HAP1: variants seen among roughly 807,000 people sequenced by gnomAD.
HAP1 encodes the protein huntingtin associated protein 1.
In HAP1, 59 loss-of-function variants were observed where a neutral mutation model predicts 60.3. That is an observed-to-expected ratio of 0.98 (90% CI 0.79 to 1.22). The LOEUF (loss-of-function observed/expected upper bound fraction) is 1.22, where lower values mean the gene tolerates loss of function less well. HAP1 is among the 50% of genes most tolerant of loss of function. HAP1 has a pLI of 0.00. For synonymous variants in HAP1, 346 were observed against 330.6 expected, an observed-to-expected ratio of 1.05 and a Z score of -0.50; for missense variants, 825 against 785.3, an observed-to-expected ratio of 1.05 and a Z score of -0.60.
chr17:41,729,392 A>T (rs1911945405), intron 6 of HAP1, among the ~76,000 whole-genome samples: 2 of 148,472 alleles, frequency 1.3e-5, no homozygotes, highest in South Asian at 2.1e-4. Context: ...TCTACTAAAA[A>T]TACCAAAATT....
rs1555588449 is a variant in HAP1, at chr17:41,725,114, C to T, written c.1447G>A (p.Gly483Arg). 3 of 1,607,796 alleles carry T rather than the reference C, an allele frequency of 1.9e-6. No individual in the cohort carries two copies. The highest frequency in any genetic ancestry group is 1.7e-5 in the Admixed American group (1 of 59,710). Residue 483 changes from glycine (G) to arginine (R), a missense_variant, in exon 11 of 11, where the codon GGG becomes AGG. Coordinates refer to ENST00000347901, the MANE Select transcript of HAP1 (RefSeq NM_177977.3). ...ATCAACCCTTCCTCAGCCTCAAACC[C>T]CCGCACCTGCTCTCGATCCTCACTG... ...RYSEDREQVRGFEAEEGLMLA... is the reference protein window; with the variant it reads ...RYSEDREQVRRFEAEEGLMLA...
chr17:41,731,201 G>A (rs760708515), intron 6 of HAP1, among the ~76,000 whole-genome samples: 8 of 152,158 alleles, frequency 5.3e-5, no homozygotes, highest in East Asian at 1.9e-4. Flanking sequence ...ATGAGCCACC[G>A]TGCCTGGCCT....
At position 41,724,601 on chromosome 17, in the gene HAP1, T is replaced by C; in HGVS notation, c.*100A>G. 1.2e-6 allele frequency: 1 copy of C among 804,420 alleles called. No homozygotes were observed. Among genetic ancestry groups the C allele is most frequent in the Non-Finnish European group, 2.0e-6 (1 of 490,918 alleles). 49.8% of individuals were successfully genotyped at this position (804,420 alleles called of 1,614,324 possible). ...GGTTCCCACTGAAGGGGATCAGAGG[T>C]GTCTATGCAAATGATATGCAAAGTC... On this transcript the variant is annotated 3_prime_UTR_variant, in exon 11 of 11. Coordinates refer to ENST00000347901, the MANE Select transcript of HAP1 (RefSeq NM_177977.3).
downstream of HAP1, among the ~76,000 whole-genome samples, chr17:41,719,890 C>CA (rs1555586693): frequency 1.6e-5 from 2 of 128,832 alleles, no homozygotes; most frequent in Non-Finnish European, 1.6e-5. Context: ...AGATATTTAA[C>CA]TTTTTTTTTT....
intron 10 of HAP1, 107 bp downstream of exon 10, chr17:41,725,752 T>TA: frequency 1.2e-6 from 1 of 844,510 alleles, no homozygotes; most frequent in Admixed American, 1.8e-5. Context: ...CCAGCCGAGA[T>TA]AGCAGGGCCT....
At chr17:41,731,083 G>A (rs995992222) in intron 6 of HAP1, among the ~76,000 whole-genome samples, 2 of 152,066 alleles carry the variant, frequency 1.3e-5, no homozygotes, top group Admixed American at 6.6e-5. Context: ...GCTAATTTTT[G>A]TATTTTTAGT....
At chr17:41,728,060 T>A in intron 7 of HAP1, 141 bp downstream of exon 7, 1 of 1,010,266 alleles carries the variant, frequency 9.9e-7, no homozygotes, top group Non-Finnish European at 1.5e-6. Flanking sequence ...TAACAAGGGG[T>A]CAAGATAAGG....
At chr17:41,729,678 C>T in intron 6 of HAP1, among the ~76,000 whole-genome samples, 1 of 149,144 alleles carries the variant, frequency 6.7e-6, no homozygotes, top group Non-Finnish European at 1.5e-5. Flanking sequence ...GAATTCAAGA[C>T]CAACCTGGCC....
chr17:41,718,965 TA>T (rs1190124647), downstream of HAP1, among the ~76,000 whole-genome samples: 3 of 152,140 alleles, frequency 2.0e-5, no homozygotes, highest in Admixed American at 1.3e-4. Flanking sequence ...AAGTAACTTA[TA>T]TTTTTTTATT....
downstream of HAP1, among the ~76,000 whole-genome samples, chr17:41,720,606 T>C (rs1555586842): frequency 6.6e-6 from 1 of 152,146 alleles, no homozygotes; most frequent in African/African-American, 2.4e-5. Context: ...TTCTTCTCAA[T>C]TGCCTTCAGC....
rs183248865 is a variant in HAP1, at chr17:41,726,108, A to C, written c.1368-211T>G. 3.4e-4 allele frequency among the ~76,000 whole-genome samples: 51 copies of C among 152,148 alleles called. 1 individual carries two copies. The highest frequency in any genetic ancestry group is 1.2e-4 in the Non-Finnish European group (8 of 67,980). Reference sequence around the variant, plus strand: ...AACATGGTAAAACCCCGTCTCTACTAAAACTACAAAAATTAGCTGGGCTTG... The same window carrying C: ...AACATGGTAAAACCCCGTCTCTACTCAAACTACAAAAATTAGCTGGGCTTG... On this transcript the variant is annotated intron_variant, in intron 9 of 10. Transcript: ENST00000347901.
rs375099421 is a variant in HAP1 at position 41,734,210 on chromosome 17, A to G, written c.425T>C (p.Val142Ala). ...AAAGGCGGCGCGCTCAGGGCCGGAC[A>G]CCCCGGGTCGCCGGCCAACGTAGGC... ...PAAYVGRRPG[V>A]SGPERAAFIR... Residue 142 changes from valine (V) to alanine (A), a missense_variant, in exon 1 of 11, where the codon GTG (valine) becomes GCG (alanine). Val to Ala is a moderately conservative substitution (Grantham distance 64). Coordinates refer to ENST00000347901, the MANE Select transcript of HAP1 (RefSeq NM_177977.3). The G allele has an allele frequency of 3.8e-6, 6 of 1,597,336 alleles. No homozygotes were observed. The African/African-American group carries it at 8.0e-5, about 21-fold the overall frequency.
chr17:41,718,847 G>C (rs1555586482), downstream of HAP1, among the ~76,000 whole-genome samples: 1 of 152,210 alleles, frequency 6.6e-6, no homozygotes, highest in East Asian at 1.9e-4. Context: ...AAGTCTATGA[G>C]GAGCAAGCTT....
chr17:41,726,402 T>TG (rs1911629256), intron 9 of HAP1, among the ~76,000 whole-genome samples: 4 of 39,234 alleles, frequency 1.0e-4, no homozygotes, highest in Non-Finnish European at 2.4e-4. Context: ...AGACTCCATC[T>TG]CAAAAAACAA....
chr17:41,728,639 G>A (rs1478134789), intron 6 of HAP1, among the ~76,000 whole-genome samples: 1 of 152,216 alleles, frequency 6.6e-6, no homozygotes, highest in Non-Finnish European at 1.5e-5. Flanking sequence ...GTACAGGGCA[G>A]GGGCATCACA....
chr17:41,721,332 G>C (rs1236120333), downstream of HAP1: 1 of 152,636 alleles, frequency 6.6e-6, no homozygotes, highest in East Asian at 1.9e-4. Flanking sequence ...TCTGTGTGAG[G>C]TGCCCAGGTT....
chr17:41,734,085 TG>T, intron 1 of HAP1, 80 bp downstream of exon 1: 2 of 1,128,024 alleles, frequency 1.8e-6, no homozygotes. Flanking sequence ...GGGGGCGGGG[TG>T]CCTGGACCCG....
chr17:41,732,658 C>G (rs2076196261), intron 2 of HAP1, 61 bp downstream of exon 2: 2 of 1,377,556 alleles, frequency 1.5e-6, no homozygotes, highest in Non-Finnish European at 2.1e-6. Flanking sequence ...AAACAAGACC[C>G]CCACCCCTAC....
chr17:41,724,527 G>A lies in HAP1; in HGVS notation c.*174C>T. On this transcript the variant is annotated 3_prime_UTR_variant, in exon 11 of 11. Transcript: ENST00000347901. ...CCAGCCCCCAGGAGAAAAGTGGATG[G>A]AGATCTGGAATCCTAAGCAAATGCC... The A allele has an allele frequency of 1.7e-6, 1 of 605,086 alleles. No individual in the cohort carries two copies. Among genetic ancestry groups the A allele is most frequent in the South Asian group, 2.0e-5 (1 of 49,200 alleles). 37.5% of individuals were successfully genotyped at this position (605,086 alleles called of 1,614,324 possible). A position where few individuals can be genotyped will look rare whatever the true frequency, so the allele number is the denominator to read the frequency against.
Sources: gnomAD v4.1 joint callset for allele counts (sites outside exome capture counted in the v4.1 genomes callset) on GRCh38, gnomAD v4.1.1 for gene constraint, MANE v1.5 for transcripts, NCBI Gene and HGNC (gene_info 2026-07-23, HGNC 2026-07-21) for gene names.